Variants in ABCA12 observed in about 807,000 individuals in gnomAD.
ABCA12 encodes the protein ATP binding cassette subfamily A member 12, also known as glucosylceramide transporter ABCA12.
In ABCA12, 156 loss-of-function variants were observed where a neutral mutation model predicts 293.5. The ratio of observed to expected loss-of-function variants is 0.53; its 90% CI spans 0.47 to 0.61. ABCA12 has a LOEUF of 0.61. Ranked by LOEUF, ABCA12 falls within the 20% of genes least tolerant of loss-of-function variation. ABCA12 has a pLI of 0.00. For missense variants in ABCA12, 2,797 were observed against 3,090.2 expected (o/e 0.91, Z 2.25); for synonymous variants, 1,063 against 1,108.0 (o/e 0.96, Z 0.81).
intron 2 of ABCA12, among the ~76,000 whole-genome samples, chr2:215,105,267 T>A (rs1006596221): frequency 2.0e-5 from 3 of 152,094 alleles, no homozygotes; most frequent in African/African-American, 7.2e-5. Context: ...TGATTGGGGT[T>A]TGAGTGATCA....
intron 1 of ABCA12, among the ~76,000 whole-genome samples, chr2:215,130,464 T>C (rs532025944): frequency 2.6e-5 from 4 of 152,248 alleles, no homozygotes; most frequent in East Asian, 3.9e-4. Flanking sequence ...GTTAAATATA[T>C]GTCTAGGTAT....
In ABCA12 at chr2:214,970,372, G is replaced by C; in HGVS notation, c.5591C>G (p.Pro1864Arg). 1 of 1,613,156 alleles carries C rather than the reference G, an allele frequency of 6.2e-7. No homozygotes were observed. The highest frequency in any genetic ancestry group is 8.5e-7 in the Non-Finnish European group (1 of 1,179,382). The stretch of plus-strand genomic sequence containing the variant: ...CTGGGATGAGTAAGTTCTTCTGTGC[G>C]GTGGGGAATAGTTAAATTTAGGACA... ...QECPKFNYSP[P>R]HRRTYSSQVI... Residue 1864 changes from proline to arginine, a missense_variant, in exon 37 of 53, where the codon CCG (proline) becomes CGG (arginine). This residue lies in a region of ABCA12 where 2,130 missense variants were observed against 2,427.0 expected (regional missense o/e 0.88). Coordinates refer to ENST00000272895, the MANE Select transcript of ABCA12 (RefSeq NM_173076.3).
intron 39 of ABCA12, among the ~76,000 whole-genome samples, chr2:214,965,791 T>C (rs1356268210): frequency 6.6e-6 from 1 of 152,140 alleles, no homozygotes; most frequent in African/African-American, 2.4e-5. Context: ...TTAGTAAGAA[T>C]GTAAATTAGT....
At chr2:215,110,400 A>T (rs2106126638) in intron 2 of ABCA12, among the ~76,000 whole-genome samples, 1 of 152,232 alleles carries the variant, frequency 6.6e-6, no homozygotes, top group Non-Finnish European at 1.5e-5. Flanking sequence ...AGTCCCACCT[A>T]CTCAGGAGGC....
intron 23 of ABCA12, among the ~76,000 whole-genome samples, chr2:214,994,657 T>G (rs10176650): frequency 0.064 from 9,742 of 152,090 alleles, 465 homozygotes; most frequent in Non-Finnish European, 0.098. Context: ...TATATTATTG[T>G]TTTTTTTAGT....
At chr2:215,095,215 A>G (rs1397233469) in intron 2 of ABCA12, among the ~76,000 whole-genome samples, 1 of 152,188 alleles carries the variant, frequency 6.6e-6, no homozygotes, top group Non-Finnish European at 1.5e-5. Flanking sequence ...CTGGCCTAGT[A>G]TATAACAACA....
rs570130811 is a variant in ABCA12 at position 214,954,150 on chromosome 2, C to CAA, written c.6394-45_6394-44dup. Reference sequence around the variant, plus strand: ...AAAATAAAACTCAGTGTTAAGTTTCCAAAAAGCTGACAAAAATTTAAAACT... The same window carrying CAA: ...AAAATAAAACTCAGTGTTAAGTTTCCAAAAAAAGCTGACAAAAATTTAAAACT... On this transcript the variant is annotated intron_variant, in intron 43 of 52. Coordinates refer to ENST00000272895, the MANE Select transcript of ABCA12 (RefSeq NM_173076.3). 143 of 1,603,082 alleles carry CAA rather than the reference C, an allele frequency of 8.9e-5. No homozygotes were observed. The African/African-American group carries it at 1.8e-3, about 20-fold the overall frequency.
intron 7 of ABCA12, among the ~76,000 whole-genome samples, chr2:215,043,276 G>C (rs1043397823): frequency 6.6e-6 from 1 of 151,758 alleles, no homozygotes; most frequent in Non-Finnish European, 1.5e-5. Flanking sequence ...TTGTTTTTTT[G>C]CTACTAAGGT....
intron 23 of ABCA12, among the ~76,000 whole-genome samples, chr2:214,992,619 T>C (rs1699943097): frequency 6.9e-6 from 1 of 144,518 alleles, no homozygotes; most frequent in South Asian, 2.4e-4. Flanking sequence ...CCCAGCTGTT[T>C]GGGAGTCTGA....
intron 7 of ABCA12, among the ~76,000 whole-genome samples, chr2:215,043,965 TTAA>T (rs141502504): frequency 5.1e-4 from 78 of 152,248 alleles, no homozygotes; most frequent in African/African-American, 1.7e-3. Flanking sequence ...CAGCATAATA[TTAA>T]TGAGACTTAT....
chr2:215,055,999 G>T (rs999574699), intron 3 of ABCA12, among the ~76,000 whole-genome samples: 2 of 151,946 alleles, frequency 1.3e-5, no homozygotes, highest in Non-Finnish European at 2.9e-5. Context: ...TTTTAGTTTG[G>T]CTTGAAATCC....
intron 47 of ABCA12, 129 bp downstream of exon 47, chr2:214,948,467 G>T (rs1219471636): frequency 2.0e-6 from 2 of 989,046 alleles, no homozygotes; most frequent in East Asian, 2.7e-5. Flanking sequence ...GAAGGAAAAT[G>T]ACAATGTTTT....
At chr2:214,974,633 A>AGAT (rs886341444) in intron 35 of ABCA12, 145 bp downstream of exon 35, 1 of 771,066 alleles carries the variant, frequency 1.3e-6, no homozygotes, top group African/African-American at 1.7e-5. Flanking sequence ...GAACTAAAGG[A>AGAT]GATAGACAAA....
Position 215,018,007 on chromosome 2 carries a change from C to T in ABCA12, c.1782+1G>A. The T allele has an allele frequency of 2.5e-6, 4 of 1,614,112 alleles. No individual in the cohort carries two copies. The highest frequency in any genetic ancestry group is 3.4e-6 in the Non-Finnish European group (4 of 1,180,012). ...GTAAGTACAAACACATGACACCCCA[C>T]CTCAGCTCTATTATCAGGGATGGGA... On this transcript the variant is annotated splice_donor_variant, in intron 14 of 52. Coordinates refer to ENST00000272895, the MANE Select transcript of ABCA12 (RefSeq NM_173076.3). LOFTEE classifies it high-confidence loss of function.
intron 1 of ABCA12, among the ~76,000 whole-genome samples, chr2:215,117,355 G>A (rs1367470523): frequency 2.0e-5 from 3 of 152,126 alleles, no homozygotes; most frequent in African/African-American, 7.2e-5. Context: ...ACATTTCAGT[G>A]ACCTTGTAGT....
In ABCA12 at chr2:214,950,946, G is replaced by A. The variant is rs770400959; in HGVS notation, c.6785C>T (p.Thr2262Ile). The A allele has an allele frequency of 6.2e-7, 1 of 1,614,128 alleles. No individual in the cohort carries two copies. Among genetic ancestry groups the A allele is most frequent in the South Asian group, 1.1e-5 (1 of 91,080 alleles). The change falls in exon 45 of 53, where the codon ACC (threonine) becomes ATC (isoleucine). Residue 2262 changes from threonine to isoleucine, a missense_variant. This residue lies in a region of ABCA12 where 2,130 missense variants were observed against 2,427.0 expected (regional missense o/e 0.88). Transcript: ENST00000272895. ...DLVQLYCLTK[T>I]YQLIHKKIIA... ...AATCTTTTTGTGGATAAGTTGGTAG[G>A]TCTTTGTGAGACAATAAAGTTGGAC...
intron 6 of ABCA12, among the ~76,000 whole-genome samples, chr2:215,047,187 T>C (rs1284524112): frequency 6.6e-6 from 1 of 152,202 alleles, no homozygotes; most frequent in Admixed American, 6.5e-5. Context: ...CATTTACCTA[T>C]GTAAGAAACC....
At chr2:215,039,406 C>T (rs924751299) in intron 7 of ABCA12, among the ~76,000 whole-genome samples, 4 of 152,168 alleles carry the variant, frequency 2.6e-5, no homozygotes, top group African/African-American at 7.2e-5. Flanking sequence ...TAATAAACAG[C>T]TGACTTTAAA....
intron 2 of ABCA12, among the ~76,000 whole-genome samples, chr2:215,085,691 GTCAT>G (rs1204773173): frequency 6.6e-6 from 1 of 152,056 alleles, no homozygotes; most frequent in African/African-American, 2.4e-5. Context: ...AACATGGGAT[GTCAT>G]TCATTCATTC....
Sources: allele counts gnomAD v4.1 joint callset (sites outside exome capture counted in the v4.1 genomes callset), GRCh38; gene constraint gnomAD v4.1.1; regional missense constraint gnomAD v4.1.1; transcripts MANE v1.5; gene names NCBI Gene and HGNC (gene_info 2026-07-23, HGNC 2026-07-21).